MARK3: variants seen among roughly 807,000 people sequenced by gnomAD.
MARK3 encodes MAP/microtubule affinity-regulating kinase 3.
A neutral mutation model predicts 90.1 loss-of-function variants in MARK3; 46 were observed. The ratio of observed to expected loss-of-function variants is 0.51; its 90% CI spans 0.40 to 0.65. The LOEUF is 0.65. Among genes scored for constraint, MARK3 ranks in the 30% least tolerant of loss-of-function variants. MARK3 has a pLI of 0.00. For missense variants in MARK3, 818 were observed against 947.2 expected (o/e 0.86, Z 1.79); for synonymous variants, 321 against 332.6 (o/e 0.97, Z 0.38).
At chr14:103,479,585 G>A (rs2093779945) in intron 13 of MARK3, among the ~76,000 whole-genome samples, 1 of 140,664 alleles carries the variant, frequency 7.1e-6, no homozygotes, top group Non-Finnish European at 1.5e-5. Context: ...AATGACCAAT[G>A]ATATTGGGCA....
At chr14:103,394,472 G>A (rs368256886) in intron 1 of MARK3, among the ~76,000 whole-genome samples, 3 of 152,226 alleles carry the variant, frequency 2.0e-5, no homozygotes, top group African/African-American at 4.8e-5. Flanking sequence ...GTCTTCAGCC[G>A]AGAGTTCGCT....
rs543634786 is a variant in MARK3, at chr14:103,428,714, T to G, written c.297+274T>G. On this transcript the variant is annotated intron_variant, in intron 3 of 17. Coordinates refer to ENST00000429436, the MANE Select transcript of MARK3 (RefSeq NM_001128918.3). ...ATATAGTTGTACGAGGCTGTACTTT[T>G]TATTGAATATTCTTAATATTGACTA... 1.1e-4 allele frequency among the ~76,000 whole-genome samples: 17 copies of G among 152,328 alleles called. 1 individual carries two copies. The highest frequency in any genetic ancestry group is 3.6e-4 in the African/African-American group (15 of 41,574).
At chr14:103,414,258 T>C (rs1595550503) in intron 2 of MARK3, among the ~76,000 whole-genome samples, 1 of 150,906 alleles carries the variant, frequency 6.6e-6, no homozygotes, top group Admixed American at 6.6e-5. Flanking sequence ...CAGGCTGGAG[T>C]GCAATGGCTC....
At chr14:103,418,279 G>T (rs2092046020) in intron 2 of MARK3, among the ~76,000 whole-genome samples, 1 of 86,032 alleles carries the variant, frequency 1.2e-5, no homozygotes, top group South Asian at 3.3e-4. Flanking sequence ...TCCCTGCATT[G>T]CTTCTCTTTT....
chr14:103,438,182 T>C (rs2092761820), intron 3 of MARK3, among the ~76,000 whole-genome samples: 1 of 152,054 alleles, frequency 6.6e-6, no homozygotes, highest in South Asian at 2.1e-4. Flanking sequence ...TTTGTATTTT[T>C]AGTAGAGACA....
intron 2 of MARK3, chr14:103,412,446 C>A: frequency 1.8e-6 from 1 of 550,460 alleles, no homozygotes; most frequent in South Asian, 2.0e-5. Flanking sequence ...GCCAAAAATG[C>A]ATCATACTTC....
At chr14:103,469,257 C>G (rs965152959) in intron 12 of MARK3, 1 of 152,106 alleles carries the variant, frequency 6.6e-6, no homozygotes, top group Non-Finnish European at 1.5e-5. Context: ...TCTTGGCTCA[C>G]TGCAACCTCC....
intron 2 of MARK3, among the ~76,000 whole-genome samples, chr14:103,421,327 A>G (rs1275932469): frequency 6.6e-6 from 1 of 152,236 alleles, no homozygotes; most frequent in Non-Finnish European, 1.5e-5. Context: ...TTTCGTATTC[A>G]CTAATTCAGT....
intron 6 of MARK3, among the ~76,000 whole-genome samples, chr14:103,460,482 A>G (rs1458379031): frequency 6.6e-6 from 1 of 152,202 alleles, no homozygotes; most frequent in Non-Finnish European, 1.5e-5. Flanking sequence ...AGGTTAAATC[A>G]TAGTTTAACC....
At chr14:103,402,412 G>A (rs1330856325) in intron 1 of MARK3, among the ~76,000 whole-genome samples, 2 of 152,174 alleles carry the variant, frequency 1.3e-5, no homozygotes, top group East Asian at 3.9e-4. Context: ...AATTAGCCGG[G>A]TATGGTGGCG....
At position 103,491,635 on chromosome 14, in the gene MARK3, C is replaced by T. The variant is rs925129064; in HGVS notation, c.1587-142C>T. 3 of 781,798 alleles carry T rather than the reference C, an allele frequency of 3.8e-6. No homozygotes were observed. The African/African-American group carries it at 5.2e-5, about 14-fold the overall frequency. 48.4% of individuals were successfully genotyped at this position (781,798 alleles called of 1,614,324 possible). A position where few individuals can be genotyped will look rare whatever the true frequency, so the allele number is the denominator to read the frequency against. Reference sequence around the variant, plus strand: ...TGGTACCCTTTCCCACTTAACTTACCTTTTGCTCCTAAGTCCTATAAAATA... The same window carrying T: ...TGGTACCCTTTCCCACTTAACTTACTTTTTGCTCCTAAGTCCTATAAAATA... On this transcript the variant is annotated intron_variant, in intron 14 of 17. Transcript: ENST00000429436.
chr14:103,488,582 T>A (rs1272454169), intron 14 of MARK3, among the ~76,000 whole-genome samples: 2 of 152,154 alleles, frequency 1.3e-5, no homozygotes, highest in East Asian at 3.8e-4. Context: ...CCAGGCACAG[T>A]GGCTCACAAG....
chr14:103,412,078 G>GT (rs940506984), intron 2 of MARK3: 152 of 549,502 alleles, frequency 2.8e-4, no homozygotes, highest in South Asian at 3.6e-4. Context: ...TTTGTTTTTT[G>GT]TTTTTTTTAC....
At chr14:103,409,435 T>TAAA (rs61200962) in intron 2 of MARK3, among the ~76,000 whole-genome samples, 8 of 93,432 alleles carry the variant, frequency 8.6e-5, no homozygotes, top group South Asian at 3.7e-4. Flanking sequence ...GAACTTAAAG[T>TAAA]AAAAAAAAAA....
At chr14:103,434,415 A>G (rs1410479214) in intron 3 of MARK3, among the ~76,000 whole-genome samples, 1 of 152,186 alleles carries the variant, frequency 6.6e-6, no homozygotes, top group Non-Finnish European at 1.5e-5. Flanking sequence ...TGACTGTGAA[A>G]TTTTAGCTAC....
intron 5 of MARK3, among the ~76,000 whole-genome samples, chr14:103,455,000 C>A (rs144445390): frequency 1.0e-5 from 1 of 100,314 alleles, no homozygotes; most frequent in Non-Finnish European, 2.5e-5. Context: ...AATGTTAATA[C>A]ATTTTTAATA....
intron 13 of MARK3, among the ~76,000 whole-genome samples, chr14:103,477,887 A>T (rs2093742319): frequency 6.6e-6 from 1 of 151,838 alleles, no homozygotes; most frequent in East Asian, 1.9e-4. Flanking sequence ...GCTACTTGAG[A>T]GCTTGAGAGG....
chr14:103,408,961 C>T (rs1370423877), intron 2 of MARK3, among the ~76,000 whole-genome samples: 11 of 152,074 alleles, frequency 7.2e-5, no homozygotes, highest in Admixed American at 7.2e-4. Flanking sequence ...AACGGTGAGA[C>T]CTCTGAGTTT....
chr14:103,425,934 G>C (rs1020682020), intron 2 of MARK3, among the ~76,000 whole-genome samples: 1 of 152,204 alleles, frequency 6.6e-6, no homozygotes, highest in African/African-American at 2.4e-5. Context: ...AATGTGGTCA[G>C]GTGGAGGCTT....
Sources: gnomAD v4.1 joint callset for allele counts (sites outside exome capture counted in the v4.1 genomes callset) on GRCh38, gnomAD v4.1.1 for gene constraint, MANE v1.5 for transcripts, NCBI Gene and HGNC (gene_info 2026-07-23, HGNC 2026-07-21) for gene names.